Variants in CCDC85A observed in about 807,000 individuals in gnomAD.
The protein encoded by CCDC85A is coiled-coil domain-containing protein 85A.
A neutral mutation model predicts 50.2 loss-of-function variants in CCDC85A; 38 were observed. The ratio of observed to expected loss-of-function variants is 0.76; its 90% CI spans 0.58 to 0.99. The LOEUF is 0.99. Ranked by LOEUF, CCDC85A falls within the 50% of genes least tolerant of loss-of-function variation. CCDC85A has a pLI of 0.00. For missense variants in CCDC85A, 820 were observed against 742.0 expected (o/e 1.11, Z -1.22); for synonymous variants, 366 against 301.4 (o/e 1.21, Z -2.22).
rs1216716317 is a variant in CCDC85A, at chr2:56,384,260, T to G, written c.1573-6T>G. 6.2e-7 allele frequency: 1 copy of G among 1,610,194 alleles called. No individual in the cohort carries two copies. The highest frequency in any genetic ancestry group is 8.5e-7 in the Non-Finnish European group (1 of 1,177,544). On this transcript the variant is annotated splice_region_variant and splice_polypyrimidine_tract_variant and intron_variant, in intron 5 of 5. Coordinates refer to ENST00000407595, the MANE Select transcript of CCDC85A (RefSeq NM_001080433.2). The stretch of plus-strand genomic sequence containing the variant: ...AAGATACTCACTCCTTCTTTTTTTT[T>G]TTAAGGTTGTGTGGAGGAAACTTGG...
chr2:56,329,419 A>G (rs1457915577), intron 2 of CCDC85A, among the ~76,000 whole-genome samples: 1 of 152,224 alleles, frequency 6.6e-6, no homozygotes, highest in Non-Finnish European at 1.5e-5. Flanking sequence ...CCCCTAGCAC[A>G]TAGTTAGTAC....
chr2:56,292,718 T>A (rs1366478845), intron 2 of CCDC85A, among the ~76,000 whole-genome samples: 2 of 152,230 alleles, frequency 1.3e-5, no homozygotes, highest in Non-Finnish European at 2.9e-5. Flanking sequence ...ATATATCATT[T>A]GTACATACTT....
chr2:56,201,957 T>C (rs1267365880), intron 2 of CCDC85A, among the ~76,000 whole-genome samples: 1 of 152,262 alleles, frequency 6.6e-6, no homozygotes, highest in South Asian at 2.1e-4. Context: ...AGATGTCAGC[T>C]AGTAGAGGAC....
chr2:56,209,805 G>A (rs1290547875), intron 2 of CCDC85A, among the ~76,000 whole-genome samples: 1 of 151,942 alleles, frequency 6.6e-6, no homozygotes, highest in African/African-American at 2.4e-5. Flanking sequence ...TTGAGTTATT[G>A]TTATGTATGA....
intron 2 of CCDC85A, among the ~76,000 whole-genome samples, chr2:56,239,798 G>C (rs1437527655): frequency 6.6e-6 from 1 of 152,156 alleles, no homozygotes; most frequent in African/African-American, 2.4e-5. Flanking sequence ...GAGAGATGAT[G>C]TGATAATTTT....
At chr2:56,195,262 A>G (rs528615219) in intron 2 of CCDC85A, among the ~76,000 whole-genome samples, 2 of 152,372 alleles carry the variant, frequency 1.3e-5, no homozygotes, top group East Asian at 3.9e-4. Context: ...AATGCCTTGC[A>G]TTGTAGGTAA....
chr2:56,311,642 T>A (rs1672697595), intron 2 of CCDC85A, among the ~76,000 whole-genome samples: 1 of 152,058 alleles, frequency 6.6e-6, no homozygotes, highest in African/African-American at 2.4e-5. Context: ...TAACTAACAT[T>A]TGGTGAGAAT....
intron 2 of CCDC85A, among the ~76,000 whole-genome samples, chr2:56,296,492 T>C (rs1479946922): frequency 1.3e-5 from 2 of 152,164 alleles, no homozygotes; most frequent in Admixed American, 6.6e-5. Flanking sequence ...CCAGGCGCCC[T>C]ATTATTTTTT....
chr2:56,192,891 A>G lies in CCDC85A; in HGVS notation c.691A>G (p.Ser231Gly), dbSNP rs1424947397. The change falls in exon 2 of 6, where the codon AGT becomes GGT. Residue 231 changes from serine to glycine, a missense_variant. Coordinates refer to ENST00000407595, the MANE Select transcript of CCDC85A (RefSeq NM_001080433.2). This position sits in a 1 kb window ranked among gnomAD's most constrained non-coding sequence, Gnocchi z 4.7. The part of the protein sequence containing the change: ...SPDHHKHHAS[S>G]GSPEHLQKPR... Reference sequence around the variant, plus strand: ...GGACCACCACAAGCACCACGCGAGCAGTGGCAGCCCGGAGCACCTGCAGAA... The same window carrying G: ...GGACCACCACAAGCACCACGCGAGCGGTGGCAGCCCGGAGCACCTGCAGAA... The G allele has an allele frequency of 6.2e-7, 1 of 1,612,970 alleles. No homozygotes were observed. Among genetic ancestry groups the G allele is most frequent in the Non-Finnish European group, 8.5e-7 (1 of 1,179,530 alleles).
rs1020729749 is a variant in CCDC85A at position 56,184,063 on chromosome 2, G to A, written c.-562G>A. 1.0e-6 allele frequency: 1 copy of A among 985,418 alleles called. No individual in the cohort carries two copies. Among genetic ancestry groups the A allele is most frequent in the African/African-American group, 1.7e-5 (1 of 57,338 alleles). 61.0% of individuals were successfully genotyped at this position (985,418 alleles called of 1,614,324 possible). ...AGCGGCCGCGGGCGCAGCGAAGGCG[G>A]CAGGAGGAGCGCAGCAGCCTTCGGG... On this transcript the variant is annotated 5_prime_UTR_variant, in exon 1 of 6. Coordinates refer to ENST00000407595, the MANE Select transcript of CCDC85A (RefSeq NM_001080433.2).
rs965469957 is a variant in CCDC85A, at chr2:56,184,729, C to G, written c.105C>G (p.Asp35Glu). Residue 35 changes from aspartate (D) to glutamate (E), a missense_variant, in exon 1 of 6, where the codon GAC becomes GAG. Physicochemically the swap from Asp to Glu is conservative, Grantham distance 45. Coordinates refer to ENST00000407595, the MANE Select transcript of CCDC85A (RefSeq NM_001080433.2). ...SSAAPPAPVE[D>E]LSKVSDEELL... ...CGGCCCCGCCCGCGCCGGTGGAGGA[C>G]CTGTCCAAAGTGTCGGACGAGGAGC... is the stretch of plus-strand genomic sequence containing the variant. 1.0e-5 allele frequency: 16 copies of G among 1,539,608 alleles called. No homozygotes were observed. The African/African-American group carries it at 1.8e-4, about 18-fold the overall frequency.
At chr2:56,292,937 A>G (rs1339236684) in intron 2 of CCDC85A, among the ~76,000 whole-genome samples, 11 of 152,190 alleles carry the variant, frequency 7.2e-5, no homozygotes, top group Admixed American at 7.2e-4. Context: ...AACCCAATTG[A>G]TAGTCAAGTT....
In CCDC85A at chr2:56,238,415, TAA is replaced by T. The variant is rs34764564; in HGVS notation, c.1240+44991_1240+44992del. 7.2e-3 allele frequency among the ~76,000 whole-genome samples: 897 copies of T among 124,592 alleles called. 5 individuals are homozygous for T. The highest frequency in any genetic ancestry group is 0.025 in the African/African-American group (823 of 33,528). 81.7% of individuals were successfully genotyped at this position (124,592 alleles called of 152,430 possible). On this transcript the variant is annotated intron_variant, in intron 2 of 5. Coordinates refer to ENST00000407595, the MANE Select transcript of CCDC85A (RefSeq NM_001080433.2). ...CTAGGTGACAGAGTAACATTCTGTC[TAA>T]AAAAAAAAAAAAAAAGTGGCACTCA... is the stretch of plus-strand genomic sequence containing the variant.
At chr2:56,330,412 T>G (rs1009489738) in intron 2 of CCDC85A, among the ~76,000 whole-genome samples, 1 of 152,134 alleles carries the variant, frequency 6.6e-6, no homozygotes, top group Non-Finnish European at 1.5e-5. Context: ...GTTTTATAGG[T>G]AGAAATTTAA....
intron 2 of CCDC85A, among the ~76,000 whole-genome samples, chr2:56,329,790 T>A (rs949854160): frequency 6.6e-6 from 1 of 152,106 alleles, no homozygotes; most frequent in Non-Finnish European, 1.5e-5. Flanking sequence ...ATAAAAATTA[T>A]TTTTGTTTTT....
At chr2:56,294,211 C>G (rs1311425848) in intron 2 of CCDC85A, among the ~76,000 whole-genome samples, 1 of 152,138 alleles carries the variant, frequency 6.6e-6, no homozygotes, top group Non-Finnish European at 1.5e-5. Context: ...ACCGAATGTT[C>G]TCACTTATAA....
chr2:56,373,957 G>A (rs1270351285), intron 4 of CCDC85A, among the ~76,000 whole-genome samples: 2 of 152,162 alleles, frequency 1.3e-5, no homozygotes, highest in East Asian at 3.9e-4. Flanking sequence ...ATATGAGGGT[G>A]GGTGAAGGGT....
chr2:56,372,494 T>A lies in CCDC85A; in HGVS notation c.1452+16T>A, dbSNP rs940739698. 6.4e-7 allele frequency: 1 copy of A among 1,571,306 alleles called. No individual in the cohort carries two copies. Among genetic ancestry groups the A allele is most frequent in the Non-Finnish European group, 8.7e-7 (1 of 1,155,702 alleles). On this transcript the variant is annotated intron_variant, in intron 4 of 5. Transcript: ENST00000407595. ...TACTCTCCCGGTGAGTGAAGATGAG[T>A]CAGCTGGATGCATTTGCTTGTGCAT...
chr2:56,335,745 G>T (rs1013218969), intron 2 of CCDC85A, among the ~76,000 whole-genome samples: 1 of 151,696 alleles, frequency 6.6e-6, no homozygotes, highest in African/African-American at 2.4e-5. Flanking sequence ...GGGATTACAG[G>T]TGCCTGCCAC....
Sources: allele counts gnomAD v4.1 joint callset (sites outside exome capture counted in the v4.1 genomes callset), GRCh38; gene constraint gnomAD v4.1.1; non-coding constraint Gnocchi (gnomAD v3.1); transcripts MANE v1.5; gene names NCBI Gene and HGNC (gene_info 2026-07-23, HGNC 2026-07-21).